The following MDN1 variants were observed in gnomAD, a reference collection of about 807,000 sequenced individuals.
The protein encoded by MDN1 is midasin AAA ATPase 1.
Under a neutral mutation model 669.2 loss-of-function variants are expected in MDN1, and 266 were observed. That is an observed-to-expected ratio of 0.40 (90% CI 0.36 to 0.44). MDN1 has a LOEUF of 0.44. Ranked by LOEUF, MDN1 falls within the 20% of genes least tolerant of loss-of-function variation. MDN1 has a pLI of 1.00. For synonymous variants in MDN1, 2,385 were observed against 2,457.1 expected, an observed-to-expected ratio of 0.97 and a Z score of 0.87; for missense variants, 5,940 against 6,754.0, an observed-to-expected ratio of 0.88 and a Z score of 4.22.
At chr6:89,802,622 G>T (rs995212805) in intron 2 of MDN1, among the ~76,000 whole-genome samples, 1 of 152,130 alleles carries the variant, frequency 6.6e-6, no homozygotes, top group Non-Finnish European at 1.5e-5. Flanking sequence ...GAGGGAGGCA[G>T]AGGTTGCAGT....
intron 27 of MDN1, 50 bp from the exon 28 acceptor site, chr6:89,745,676 G>A (rs969784903): frequency 8.3e-6 from 13 of 1,561,212 alleles, no homozygotes; most frequent in South Asian, 1.1e-5. Context: ...AGTGTCTACC[G>A]GGAACACCAA....
chr6:89,783,579 C>A (rs1032027787), intron 9 of MDN1, among the ~76,000 whole-genome samples: 2 of 152,094 alleles, frequency 1.3e-5, no homozygotes, highest in Admixed American at 1.3e-4. Flanking sequence ...CTTTGATAAA[C>A]CCTTATTAGT....
At chr6:89,670,166 A>ATTTTT (rs1482501704) in intron 83 of MDN1, among the ~76,000 whole-genome samples, 12 of 17,716 alleles carry the variant, frequency 6.8e-4, no homozygotes, top group African/African-American at 2.2e-3. Flanking sequence ...ATATATATAT[A>ATTTTT]TATATTTTTT....
chr6:89,786,839 C>T (rs1335713674), intron 8 of MDN1, among the ~76,000 whole-genome samples: 13 of 146,818 alleles, frequency 8.9e-5, no homozygotes, highest in African/African-American at 3.0e-4. Flanking sequence ...GTAGGAGAAT[C>T]GCTTGAACCC....
At chr6:89,797,693 C>T in intron 2 of MDN1, 1 of 467,260 alleles carries the variant, frequency 2.1e-6, no homozygotes. Context: ...CAAAATCTGC[C>T]TTCAGTGGTG....
intron 46 of MDN1, among the ~76,000 whole-genome samples, chr6:89,714,327 C>T (rs964164437): frequency 6.6e-6 from 1 of 152,182 alleles, no homozygotes; most frequent in African/African-American, 2.4e-5. Flanking sequence ...ATCAGAATGA[C>T]ATAAGAAGCG....
rs934877845 is a variant in MDN1, at chr6:89,643,909, A to G, written c.*96T>C. On this transcript the variant is annotated 3_prime_UTR_variant, in exon 102 of 102. Coordinates refer to ENST00000369393, the MANE Select transcript of MDN1 (RefSeq NM_014611.3). ...CACGTTGTAAAATAAAAATATTACA[A>G]TAAAATTTTTTGTAGTTGTCCAAAA... 1 of 1,056,876 alleles carries G rather than the reference A, an allele frequency of 9.5e-7. No individual in the cohort carries two copies. The highest frequency in any genetic ancestry group is 1.6e-5 in the African/African-American group (1 of 61,722). 65.5% of individuals were successfully genotyped at this position (1,056,876 alleles called of 1,614,324 possible).
intron 77 of MDN1, 110 bp downstream of exon 77, chr6:89,675,992 T>A (rs1241733758): frequency 1.1e-6 from 1 of 928,030 alleles, no homozygotes; most frequent in African/African-American, 1.7e-5. Flanking sequence ...AAAAGCTCAG[T>A]TCCACTAACA....
intron 1 of MDN1, among the ~76,000 whole-genome samples, chr6:89,806,757 A>AT (rs978090350): frequency 6.0e-5 from 9 of 149,510 alleles, no homozygotes; most frequent in African/African-American, 7.4e-5. Context: ...TAATTAAAAA[A>AT]TTTTTTTTTT....
At chr6:89,699,963 C>A in intron 57 of MDN1, 100 bp downstream of exon 57, 4 of 1,219,764 alleles carry the variant, frequency 3.3e-6, no homozygotes, top group Non-Finnish European at 4.6e-6. Context: ...GCTTCGGTAA[C>A]CATCCCTATC....
chr6:89,670,064 G>A (rs1363145905), intron 83 of MDN1, among the ~76,000 whole-genome samples: 3 of 145,644 alleles, frequency 2.1e-5, no homozygotes, highest in East Asian at 2.1e-4. Flanking sequence ...TTAGCCAGGC[G>A]TGGTGGCACG....
intron 40 of MDN1, among the ~76,000 whole-genome samples, chr6:89,720,134 T>C (rs1210826623): frequency 2.0e-5 from 3 of 152,158 alleles, no homozygotes; most frequent in Admixed American, 2.0e-4. Flanking sequence ...GATAAAATCA[T>C]AATCAGTGTC....
At chr6:89,722,530 A>G (rs1267541069) in intron 40 of MDN1, among the ~76,000 whole-genome samples, 2 of 152,212 alleles carry the variant, frequency 1.3e-5, no homozygotes, top group Admixed American at 6.5e-5. Flanking sequence ...CTGTTCTTTT[A>G]ACTTTTAAAT....
At chr6:89,801,925 G>A (rs2128328889) in intron 2 of MDN1, among the ~76,000 whole-genome samples, 1 of 151,946 alleles carries the variant, frequency 6.6e-6, no homozygotes, top group Admixed American at 6.6e-5. Context: ...TCGTGCCACT[G>A]CACTCCAGCC....
Position 89,690,006 on chromosome 6 carries a change from T to C in MDN1, c.10887A>G (p.Gln3629=), listed in dbSNP as rs893341211. 6.2e-7 allele frequency: 1 copy of C among 1,614,194 alleles called. No homozygotes were observed. Among genetic ancestry groups the C allele is most frequent in the Non-Finnish European group, 8.5e-7 (1 of 1,180,032 alleles). The change falls in exon 65 of 102, where the codon CAA becomes CAG. Residue 3629 remains glutamine (Q), a synonymous_variant. Coordinates refer to ENST00000369393, the MANE Select transcript of MDN1 (RefSeq NM_014611.3). The part of the protein sequence containing the change: ...SMQAVMLIHQ[Q]LCLNFARSLW... Reference sequence around the variant, plus strand: ...GGGATCGAGCAAAGTTGAGACACAATTGCTGGTGTATCAGCATTACTGCCT... The same window carrying C: ...GGGATCGAGCAAAGTTGAGACACAACTGCTGGTGTATCAGCATTACTGCCT...
At chr6:89,817,112 C>T (rs1167178616) in intron 1 of MDN1, among the ~76,000 whole-genome samples, 2 of 152,124 alleles carry the variant, frequency 1.3e-5, no homozygotes, top group South Asian at 2.1e-4. Flanking sequence ...TTCGAGTTGT[C>T]CCAGCTTTCC....
intron 89 of MDN1, 110 bp downstream of exon 89, chr6:89,658,500 A>G: frequency 1.3e-6 from 2 of 1,518,158 alleles, no homozygotes; most frequent in Non-Finnish European, 1.8e-6. Context: ...ACTCCTCGGA[A>G]GTGCCACATG....
chr6:89,750,850 G>A (rs376096863), intron 23 of MDN1, among the ~76,000 whole-genome samples: 8 of 151,550 alleles, frequency 5.3e-5, no homozygotes, highest in Admixed American at 3.3e-4. Flanking sequence ...TGATCCGACC[G>A]CCTTGGCCTC....
In MDN1 at chr6:89,702,183, C is replaced by T. The variant is rs546907660; in HGVS notation, c.8149-122G>A. On this transcript the variant is annotated intron_variant, in intron 53 of 101. Coordinates refer to ENST00000369393, the MANE Select transcript of MDN1 (RefSeq NM_014611.3). The stretch of plus-strand genomic sequence containing the variant: ...CCCGGGAAAAGACACACAACATAGG[C>T]TATAATTGCTAATCAATGCTCAATT... The T allele has an allele frequency of 7.5e-5, 67 of 887,736 alleles. No individual in the cohort carries two copies. In the East Asian group the frequency reaches 1.8e-3, roughly 24 times the overall value. 55.0% of individuals were successfully genotyped at this position (887,736 alleles called of 1,614,324 possible).
Sources: allele counts gnomAD v4.1 joint callset (sites outside exome capture counted in the v4.1 genomes callset), GRCh38; gene constraint gnomAD v4.1.1; transcripts MANE v1.5; gene names NCBI Gene and HGNC (gene_info 2026-07-23, HGNC 2026-07-21).